CA8: variants seen among roughly 807,000 people sequenced by gnomAD.
CA8 encodes carbonic anhydrase-related protein.
CA8 carries 22 observed loss-of-function variants against 41.4 expected under a neutral mutation model. That is an observed-to-expected ratio of 0.53 (90% CI 0.38 to 0.76). The LOEUF (loss-of-function observed/expected upper bound fraction) is 0.76. Among genes scored for constraint, CA8 ranks in the 30% least tolerant of loss-of-function variants. The pLI, the probability that CA8 is intolerant of heterozygous loss-of-function variation, is 0.00. For missense variants in CA8, 270 were observed against 352.8 expected (o/e 0.77, Z 1.88); for synonymous variants, 121 against 130.6 (o/e 0.93, Z 0.50).
chr8:60,209,241 T>C (rs1806748840), intron 7 of CA8, among the ~76,000 whole-genome samples: 1 of 152,302 alleles, frequency 6.6e-6, no homozygotes, highest in Admixed American at 6.5e-5. Flanking sequence ...ATCCCATCAC[T>C]TTGGGTGGCC....
intron 7 of CA8, among the ~76,000 whole-genome samples, chr8:60,210,254 G>A (rs146433984): frequency 1.3e-5 from 2 of 152,200 alleles, no homozygotes; most frequent in East Asian, 3.9e-4. Context: ...AACGTGATTT[G>A]GGCAGCATCA....
chr8:60,253,562 T>C (rs1176687436), intron 3 of CA8, among the ~76,000 whole-genome samples: 2 of 152,132 alleles, frequency 1.3e-5, no homozygotes, highest in Non-Finnish European at 2.9e-5. Flanking sequence ...GTCCACTCGC[T>C]GACATCATCT....
chr8:60,280,323 A>G (rs1197060212), intron 1 of CA8, among the ~76,000 whole-genome samples: 2 of 152,192 alleles, frequency 1.3e-5, no homozygotes, highest in Non-Finnish European at 2.9e-5. Context: ...CAGAAATGCA[A>G]GTGTAGTATT....
intron 2 of CA8, among the ~76,000 whole-genome samples, chr8:60,270,211 A>G (rs1284787247): frequency 6.6e-6 from 1 of 152,192 alleles, no homozygotes; most frequent in Non-Finnish European, 1.5e-5. Context: ...CAGTATCTGC[A>G]CAGATGACAG....
At chr8:60,260,853 T>C (rs1449858072) in intron 3 of CA8, among the ~76,000 whole-genome samples, 6 of 152,222 alleles carry the variant, frequency 3.9e-5, no homozygotes, top group Non-Finnish European at 5.9e-5. Flanking sequence ...TCAACAAACA[T>C]GAAGTGCTAT....
intron 2 of CA8, among the ~76,000 whole-genome samples, chr8:60,267,549 T>C (rs1803939609): frequency 6.6e-6 from 1 of 152,122 alleles, no homozygotes; most frequent in Admixed American, 6.5e-5. Context: ...TCCAAGGGGA[T>C]AGTCTCATCA....
chr8:60,226,062 T>A (rs1191489304), intron 5 of CA8, among the ~76,000 whole-genome samples: 1 of 152,232 alleles, frequency 6.6e-6, no homozygotes, highest in Non-Finnish European at 1.5e-5. Flanking sequence ...TTGGATATTA[T>A]CTTACCACAT....
chr8:60,219,939 A>AC (rs1212214151), intron 7 of CA8, among the ~76,000 whole-genome samples: 6 of 129,842 alleles, frequency 4.6e-5, no homozygotes, highest in Admixed American at 8.3e-5. Context: ...TAAAAAAAAA[A>AC]AAAAAAAAAA....
intron 8 of CA8, among the ~76,000 whole-genome samples, chr8:60,205,149 C>A (rs1000549696): frequency 1.1e-4 from 16 of 152,220 alleles, no homozygotes; most frequent in South Asian, 6.2e-4. Context: ...CCCCATTTTT[C>A]TGGCTTTGTT....
intron 3 of CA8, among the ~76,000 whole-genome samples, chr8:60,247,238 T>A (rs1808279061): frequency 1.3e-5 from 2 of 152,154 alleles, no homozygotes; most frequent in Admixed American, 6.5e-5. Context: ...TTCTTTTAAG[T>A]TCCGGGATAC....
At position 60,265,808 on chromosome 8, in the gene CA8, A is replaced by C. The variant is rs569018022; in HGVS notation, c.417+117T>G. On this transcript the variant is annotated intron_variant, in intron 3 of 8. Transcript: ENST00000317995. Reference sequence around the variant, plus strand: ...CATTAAGCATTTTTTAAATTTTAGTATAAACTGATAAAATTCAAGAGCTAT... The same window carrying C: ...CATTAAGCATTTTTTAAATTTTAGTCTAAACTGATAAAATTCAAGAGCTAT... 2.6e-6 allele frequency: 3 copies of C among 1,167,142 alleles called. No individual in the cohort carries two copies. In the South Asian group the frequency reaches 4.0e-5, roughly 16 times the overall value. The allele number at this position is 1,167,142 out of a possible 1,614,324, so 72.3% of individuals were successfully genotyped here. A position where few individuals can be genotyped will look rare whatever the true frequency, so the allele number is the denominator to read the frequency against.
chr8:60,231,473 G>A (rs1209231339), intron 4 of CA8, among the ~76,000 whole-genome samples: 2 of 151,978 alleles, frequency 1.3e-5, no homozygotes, highest in African/African-American at 2.4e-5. Context: ...GCCCATTATC[G>A]AACTCTCTTT....
At chr8:60,235,993 G>A (rs998145833) in intron 3 of CA8, among the ~76,000 whole-genome samples, 1 of 152,098 alleles carries the variant, frequency 6.6e-6, no homozygotes, top group Non-Finnish European at 1.5e-5. Context: ...AAGTCCCAGC[G>A]AAAAAACTAT....
intron 8 of CA8, among the ~76,000 whole-genome samples, chr8:60,207,160 C>T (rs1241259866): frequency 1.3e-5 from 2 of 152,284 alleles, no homozygotes; most frequent in Middle Eastern, 3.4e-3. Flanking sequence ...AGAAAAAGGG[C>T]TCTGCCAGTC....
intron 8 of CA8, among the ~76,000 whole-genome samples, chr8:60,196,382 A>G (rs939471398): frequency 2.0e-5 from 3 of 152,168 alleles, no homozygotes; most frequent in Admixed American, 6.6e-5. Flanking sequence ...TTCATAGATG[A>G]GGAAACTAGG....
At chr8:60,212,294 T>C (rs1435107208) in intron 7 of CA8, among the ~76,000 whole-genome samples, 1 of 152,254 alleles carries the variant, frequency 6.6e-6, no homozygotes, top group African/African-American at 2.4e-5. Context: ...GTTTGCAGTT[T>C]AGGGCTACTT....
intron 8 of CA8, among the ~76,000 whole-genome samples, chr8:60,196,085 G>A (rs572596426): frequency 2.9e-4 from 44 of 152,092 alleles, no homozygotes; most frequent in African/African-American, 5.3e-4. Flanking sequence ...TGTCATGATC[G>A]TTGGGTGTTA....
chr8:60,191,900 T>G (rs747809458), intron 8 of CA8, among the ~76,000 whole-genome samples: 1 of 152,122 alleles, frequency 6.6e-6, no homozygotes, highest in Non-Finnish European at 1.5e-5. Context: ...CACATACATG[T>G]TGGTGTCCTA....
chr8:60,258,057 G>C (rs1443368489), intron 3 of CA8, among the ~76,000 whole-genome samples: 1 of 152,202 alleles, frequency 6.6e-6, no homozygotes, highest in Non-Finnish European at 1.5e-5. Context: ...CGCACGCCAT[G>C]CTGCTACATC....
Sources: allele counts gnomAD v4.1 joint callset (sites outside exome capture counted in the v4.1 genomes callset), GRCh38; gene constraint gnomAD v4.1.1; transcripts MANE v1.5; gene names NCBI Gene and HGNC (gene_info 2026-07-23, HGNC 2026-07-21).